Variants in SPNS3 observed in about 807,000 individuals in gnomAD.
SPNS3 encodes the protein SPNS lysolipid transporter 3, sphingosine-1-phosphate (putative).
In SPNS3, 51 loss-of-function variants were observed where a neutral mutation model predicts 54.4. That is an observed-to-expected ratio of 0.94 (90% CI 0.75 to 1.18). The LOEUF is 1.18. Ranked by LOEUF, SPNS3 falls within the 50% of genes most tolerant of loss-of-function variation. The pLI, the probability that SPNS3 is intolerant of heterozygous loss-of-function variation, is 0.00. For synonymous variants in SPNS3, 309 were observed against 294.7 expected, an observed-to-expected ratio of 1.05 and a Z score of -0.50; for missense variants, 669 against 677.4, an observed-to-expected ratio of 0.99 and a Z score of 0.14.
chr17:4,478,406 C>T (rs1276850676), intron 8 of SPNS3, among the ~76,000 whole-genome samples, 166 bp from the exon 9 acceptor site: 1 of 152,150 alleles, frequency 6.6e-6, no homozygotes, highest in African/African-American at 2.4e-5. Context: ...GTCAAGGCTG[C>T]TGGAACTGGA....
intron 2 of SPNS3, among the ~76,000 whole-genome samples, chr17:4,443,316 C>T (rs925952815): frequency 2.6e-5 from 4 of 152,190 alleles, no homozygotes; most frequent in Non-Finnish European, 4.4e-5. Context: ...GGTGATCCAC[C>T]GGCCTTGGCT....
At chr17:4,456,871 C>T (rs753992456) in intron 8 of SPNS3, among the ~76,000 whole-genome samples, 128 of 152,164 alleles carry the variant, frequency 8.4e-4, no homozygotes, top group Non-Finnish European at 1.5e-3. Context: ...CATGCCACCA[C>T]ACCCAGCTAA....
chr17:4,485,923 C>G (rs909136111), intron 9 of SPNS3, among the ~76,000 whole-genome samples: 1 of 152,236 alleles, frequency 6.6e-6, no homozygotes, highest in Non-Finnish European at 1.5e-5. Flanking sequence ...TGGGACACCC[C>G]AGCCTCATTC....
At chr17:4,477,174 G>A (rs989608820) in intron 8 of SPNS3, among the ~76,000 whole-genome samples, 1 of 152,216 alleles carries the variant, frequency 6.6e-6, no homozygotes, top group Admixed American at 6.5e-5. Flanking sequence ...GTGGGGGGTG[G>A]GGGGCGCTCA....
chr17:4,437,596 G>T (rs1422277903), intron 1 of SPNS3, among the ~76,000 whole-genome samples: 3 of 151,978 alleles, frequency 2.0e-5, no homozygotes, highest in Non-Finnish European at 2.9e-5. Flanking sequence ...GAACCCAGGA[G>T]GCAGAGGTTG....
chr17:4,451,278 A>G (rs553523866), intron 7 of SPNS3, among the ~76,000 whole-genome samples: 9 of 147,220 alleles, frequency 6.1e-5, no homozygotes, highest in African/African-American at 2.3e-4. Context: ...TTTGAGACAG[A>G]GTCTTGCTGT....
intron 2 of SPNS3, among the ~76,000 whole-genome samples, chr17:4,442,006 G>GTGTGTGTGTGTGTGTGTGTGTGTA (rs1970865277): frequency 6.6e-6 from 1 of 151,702 alleles, no homozygotes; most frequent in Non-Finnish European, 1.5e-5. Flanking sequence ...GTGTGTGTGT[G>GTGTGTGTGTGTGTGTGTGTGTGTA]TGTGTGTGTG....
chr17:4,458,651 TTCC>T (rs1971412550), intron 8 of SPNS3, among the ~76,000 whole-genome samples: 1 of 140,746 alleles, frequency 7.1e-6, no homozygotes, highest in African/African-American at 2.7e-5. Flanking sequence ...CTTTCTTTCC[TTCC>T]TTCTTTCTTT....
intron 8 of SPNS3, among the ~76,000 whole-genome samples, chr17:4,458,560 C>T (rs1466371537): frequency 1.9e-5 from 2 of 102,802 alleles, no homozygotes; most frequent in Non-Finnish European, 4.7e-5. Flanking sequence ...TTCCTTTCTT[C>T]CTTCCCTCCT....
At chr17:4,466,496 C>T (rs988290347) in intron 8 of SPNS3, among the ~76,000 whole-genome samples, 9 of 145,806 alleles carry the variant, frequency 6.2e-5, no homozygotes, top group African/African-American at 1.8e-4. Flanking sequence ...GCTGAGATCG[C>T]GCCTTTGCAC....
At chr17:4,441,838 C>G (rs555318619) in intron 2 of SPNS3, among the ~76,000 whole-genome samples, 1 of 151,896 alleles carries the variant, frequency 6.6e-6, no homozygotes, top group African/African-American at 2.4e-5. Flanking sequence ...TGGTCTCGAA[C>G]TCCTGACCTC....
rs375118697 is a variant in SPNS3, at chr17:4,472,774, C to CTTTTTTTTTT, written c.1114-5774_1114-5765dup. Among the ~76,000 whole-genome samples, 12 of 50,972 alleles carry CTTTTTTTTTT rather than the reference C, an allele frequency of 2.4e-4. 3 individuals carry two copies. Among genetic ancestry groups the CTTTTTTTTTT allele is most frequent in the African/African-American group, 8.0e-4 (9 of 11,266 alleles). 33.4% of individuals were successfully genotyped at this position (50,972 alleles called of 152,430 possible). A position where few individuals can be genotyped will look rare whatever the true frequency, so the allele number is the denominator to read the frequency against. The stretch of plus-strand genomic sequence containing the variant: ...ATTGTCTGCTCTTTTGCTTGGCAGC[C>CTTTTTTTTTT]TTTTTTTTTTTTTTTTTTTTTTTTT... On this transcript the variant is annotated intron_variant, in intron 8 of 11. Coordinates refer to ENST00000355530, the MANE Select transcript of SPNS3 (RefSeq NM_182538.5).
intron 7 of SPNS3, among the ~76,000 whole-genome samples, chr17:4,450,633 G>A (rs968641000): frequency 6.7e-6 from 1 of 150,164 alleles, no homozygotes; most frequent in Non-Finnish European, 1.5e-5. Context: ...TTTCACTCTC[G>A]TTGCCCAGGC....
chr17:4,486,685 TC>T lies in SPNS3; in HGVS notation c.1450+104del. ...CCTGGCCAGTTTGTTTGTTCATTCA[TC>T]CAGAAATGCTTAGTACACCCCTGCT... On this transcript the variant is annotated intron_variant, in intron 11 of 11. Coordinates refer to ENST00000355530, the MANE Select transcript of SPNS3 (RefSeq NM_182538.5). The surrounding 1 kb of genome is among the most constrained non-coding windows in gnomAD (Gnocchi z 5.5). 1 of 1,278,768 alleles carries T rather than the reference TC, an allele frequency of 7.8e-7. No homozygotes were observed. Among genetic ancestry groups the T allele is most frequent in the Non-Finnish European group, 1.1e-6 (1 of 937,824 alleles). 79.2% of individuals were successfully genotyped at this position (1,278,768 alleles called of 1,614,324 possible).
chr17:4,455,601 G>A lies in SPNS3; in HGVS notation c.1113+2396G>A, dbSNP rs904566097. Among the ~76,000 whole-genome samples, 20 of 152,228 alleles carry A rather than the reference G, an allele frequency of 1.3e-4. No individual in the cohort carries two copies. The South Asian group carries it at 2.9e-3, about 22-fold the overall frequency. On this transcript the variant is annotated intron_variant, in intron 8 of 11. Coordinates refer to ENST00000355530, the MANE Select transcript of SPNS3 (RefSeq NM_182538.5). ...TCCTGCAAGGGGCCCCCTCTCATGA[G>A]CACCGTGTCTCCCTCCACGGTGTCC...
chr17:4,455,820 G>A (rs1009440069), intron 8 of SPNS3, among the ~76,000 whole-genome samples: 5 of 152,154 alleles, frequency 3.3e-5, no homozygotes, highest in Admixed American at 2.0e-4. Context: ...TTCTATGCAC[G>A]CCCCTCAGGC....
intron 2 of SPNS3, 31 bp from the exon 3 acceptor site, chr17:4,445,001 G>GT (rs1419949592): frequency 6.2e-7 from 1 of 1,603,862 alleles, no homozygotes; most frequent in Non-Finnish European, 8.5e-7. Flanking sequence ...GTCGTGGGGG[G>GT]ATCCAGGCTG....
At chr17:4,477,995 G>A (rs532252878) in intron 8 of SPNS3, among the ~76,000 whole-genome samples, 3 of 90,540 alleles carry the variant, frequency 3.3e-5, no homozygotes, top group Admixed American at 1.0e-4. Flanking sequence ...TTTTTGAGGC[G>A]GAGTCTCACT....
At chr17:4,449,936 T>G (rs1971113640) in intron 7 of SPNS3, among the ~76,000 whole-genome samples, 1 of 152,138 alleles carries the variant, frequency 6.6e-6, no homozygotes, top group African/African-American at 2.4e-5. Flanking sequence ...GGGCTCCACT[T>G]CTGTTCCTAT....
Sources: gnomAD v4.1 joint callset for allele counts (sites outside exome capture counted in the v4.1 genomes callset) on GRCh38, gnomAD v4.1.1 for gene constraint, Gnocchi (gnomAD v3.1) non-coding constraint, MANE v1.5 for transcripts, NCBI Gene and HGNC (gene_info 2026-07-23, HGNC 2026-07-21) for gene names.